Variants in EHBP1 observed in about 807,000 individuals in gnomAD.
The protein encoded by EHBP1 is EH domain binding protein 1.
Under a neutral mutation model 144.0 loss-of-function variants are expected in EHBP1, and 55 were observed. The ratio of observed to expected loss-of-function variants is 0.38; its 90% CI spans 0.31 to 0.48. The LOEUF (loss-of-function observed/expected upper bound fraction) is 0.48, where lower values mean the gene tolerates loss of function less well. Ranked by LOEUF, EHBP1 falls within the 20% of genes least tolerant of loss-of-function variation. EHBP1 has a pLI of 0.98. For synonymous variants in EHBP1, 469 were observed against 472.7 expected, an observed-to-expected ratio of 0.99 and a Z score of 0.10; for missense variants, 1,200 against 1,364.2, an observed-to-expected ratio of 0.88 and a Z score of 1.90.
intron 7 of EHBP1, among the ~76,000 whole-genome samples, chr2:62,846,816 G>C (rs561671225): frequency 1.9e-4 from 29 of 152,276 alleles, no homozygotes; most frequent in African/African-American, 6.7e-4. Flanking sequence ...ATACATTACT[G>C]AAAGTAATTA....
intron 4 of EHBP1, among the ~76,000 whole-genome samples, chr2:62,771,136 C>A (rs1484810114): frequency 1.3e-5 from 2 of 152,026 alleles, no homozygotes; most frequent in African/African-American, 2.4e-5. Context: ...ATGTAACAAA[C>A]CTGCACATAT....
chr2:62,781,473 C>T (rs2042421269), intron 5 of EHBP1, among the ~76,000 whole-genome samples: 1 of 152,142 alleles, frequency 6.6e-6, no homozygotes, highest in South Asian at 2.1e-4. Context: ...TTTAGTCAGA[C>T]TGCCTCAGAC....
intron 1 of EHBP1, among the ~76,000 whole-genome samples, chr2:62,682,855 C>T (rs951127390): frequency 1.3e-5 from 2 of 152,200 alleles, no homozygotes; most frequent in African/African-American, 4.8e-5. Context: ...ACTGCACCCT[C>T]CACTCACTGA....
At chr2:62,696,139 CCTTT>C (rs1192090263) in intron 1 of EHBP1, among the ~76,000 whole-genome samples, 1 of 134,848 alleles carries the variant, frequency 7.4e-6, no homozygotes, top group Non-Finnish European at 1.6e-5. Flanking sequence ...TCCCTCCCTT[CCTTT>C]CTCTCTCTCT....
At chr2:63,031,016 C>T (rs1044476393) in intron 19 of EHBP1, among the ~76,000 whole-genome samples, 41 of 152,018 alleles carry the variant, frequency 2.7e-4, no homozygotes, top group African/African-American at 7.3e-4. Flanking sequence ...AGCCTAGTCT[C>T]GAACTCCTGA....
At chr2:62,727,260 A>C (rs936849313) in intron 2 of EHBP1, among the ~76,000 whole-genome samples, 1 of 151,150 alleles carries the variant, frequency 6.6e-6, no homozygotes, top group Non-Finnish European at 1.5e-5. Flanking sequence ...GAATGTAACC[A>C]GTTTTGTTAT....
intron 5 of EHBP1, among the ~76,000 whole-genome samples, chr2:62,795,950 T>G (rs2043509182): frequency 6.6e-6 from 1 of 151,932 alleles, no homozygotes; most frequent in Admixed American, 6.6e-5. Flanking sequence ...CAGAACTCTT[T>G]AATATGAAGA....
intron 19 of EHBP1, among the ~76,000 whole-genome samples, chr2:63,023,034 C>T (rs935586354): frequency 1.3e-5 from 2 of 152,024 alleles, no homozygotes; most frequent in South Asian, 2.1e-4. Flanking sequence ...ATTAGCTGGG[C>T]GTGGTGGTGT....
intron 15 of EHBP1, among the ~76,000 whole-genome samples, chr2:62,986,878 G>A (rs2059216505): frequency 1.3e-5 from 2 of 152,096 alleles, no homozygotes; most frequent in Admixed American, 6.5e-5. Flanking sequence ...GCCTAAGGAT[G>A]TACTTTTTCA....
chr2:62,933,086 A>G (rs546651181), intron 10 of EHBP1, among the ~76,000 whole-genome samples: 1 of 152,052 alleles, frequency 6.6e-6, no homozygotes, highest in African/African-American at 2.4e-5. Context: ...GCTATTTACA[A>G]TATTAGAAAT....
At chr2:62,933,569 G>A (rs1198026379) in intron 10 of EHBP1, among the ~76,000 whole-genome samples, 1 of 152,036 alleles carries the variant, frequency 6.6e-6, no homozygotes. Context: ...ATTGATTCCC[G>A]TACTCATGTA....
chr2:63,015,837 C>T (rs762042702), intron 19 of EHBP1, among the ~76,000 whole-genome samples: 1 of 151,682 alleles, frequency 6.6e-6, no homozygotes, highest in Non-Finnish European at 1.5e-5. Flanking sequence ...TATGATATAC[C>T]GTGATAAAAT....
Position 62,874,450 on chromosome 2 carries a change from C to T in EHBP1, c.1103C>T (p.Ala368Val). ...TERRVKRKAP[A>V]PPVLSPKTGV... The stretch of plus-strand genomic sequence containing the variant: ...AGGCGAGTGAAAAGAAAGGCCCCGG[C>T]TCCACCAGTCCTCTCACCAAAAACA... Residue 368 changes from alanine to valine, a missense_variant, in exon 10 of 23, where the codon GCT (alanine) becomes GTT (valine). This residue lies in a region of EHBP1 where 266 missense variants were observed against 262.4 expected (regional missense o/e 1.01). Transcript: ENST00000431489. 5 of 1,613,720 alleles carry T rather than the reference C, an allele frequency of 3.1e-6. No homozygotes were observed. Among genetic ancestry groups the T allele is most frequent in the East Asian group, 2.2e-5 (1 of 44,854 alleles).
intron 9 of EHBP1, among the ~76,000 whole-genome samples, chr2:62,872,467 A>G (rs1023360295): frequency 6.6e-6 from 1 of 152,118 alleles, no homozygotes; most frequent in Non-Finnish European, 1.5e-5. Flanking sequence ...ACATTTATTT[A>G]TATTTAAAAT....
chr2:62,857,382 GATAA>G (rs1158094588), intron 7 of EHBP1, among the ~76,000 whole-genome samples: 8 of 152,142 alleles, frequency 5.3e-5, no homozygotes, highest in Middle Eastern at 3.2e-3. Flanking sequence ...GGCACAGACT[GATAA>G]ATAAATATTT....
rs1380504403 is a variant in EHBP1, at chr2:62,839,381, T to C, written c.634+8223T>C. Among the ~76,000 whole-genome samples the C allele has an allele frequency of 2.2e-5, 3 of 134,156 alleles. No homozygotes were observed. In the East Asian group the frequency reaches 6.5e-4, roughly 29 times the overall value. The allele number at this position is 134,156 out of a possible 152,430, so 88.0% of individuals were successfully genotyped here. On this transcript the variant is annotated intron_variant, in intron 7 of 22. Transcript: ENST00000431489. ...CTATCTATGACAAACCCACAGCCAATATCATACTGAATGGGCAAAAACTGG... is the reference window on the plus strand; with the variant it reads ...CTATCTATGACAAACCCACAGCCAACATCATACTGAATGGGCAAAAACTGG...
In EHBP1 at chr2:62,850,148, G is replaced by A. The variant is rs185256004; in HGVS notation, c.635-9021G>A. On this transcript the variant is annotated intron_variant, in intron 7 of 22. Coordinates refer to ENST00000431489, the MANE Select transcript of EHBP1 (RefSeq NM_001142616.3). The stretch of plus-strand genomic sequence containing the variant: ...ATATTTATGGGTTTAAGCCTGTGGA[G>A]AAAGTGACATCTTTTTTACCTTGAT... Among the ~76,000 whole-genome samples, 4 of 152,266 alleles carry A rather than the reference G, an allele frequency of 2.6e-5. No homozygotes were observed. The East Asian group carries it at 7.7e-4, about 29-fold the overall frequency.
chr2:62,676,967 A>G (rs1404746986), intron 1 of EHBP1, among the ~76,000 whole-genome samples: 3 of 152,226 alleles, frequency 2.0e-5, no homozygotes, highest in Admixed American at 6.5e-5. Flanking sequence ...GTTCAAGACT[A>G]ACCTGGGCAG....
At chr2:62,924,060 C>A (rs2055307378) in intron 10 of EHBP1, among the ~76,000 whole-genome samples, 1 of 152,156 alleles carries the variant, frequency 6.6e-6, no homozygotes, top group African/African-American at 2.4e-5. Context: ...TGAGAAACAG[C>A]CATCCTGTGG....
Sources: allele counts gnomAD v4.1 joint callset (sites outside exome capture counted in the v4.1 genomes callset), GRCh38; gene constraint gnomAD v4.1.1; regional missense constraint gnomAD v4.1.1; transcripts MANE v1.5; gene names NCBI Gene and HGNC (gene_info 2026-07-23, HGNC 2026-07-21).